Variants in MEGF6 observed in about 807,000 individuals in gnomAD.
MEGF6 encodes the protein multiple EGF like domains 6, also known as multiple epidermal growth factor-like domains protein 6.
In MEGF6, 184 loss-of-function variants were observed where a neutral mutation model predicts 207.1. The observed-to-expected ratio is 0.89, with a 90% confidence interval of 0.79 to 1.00. The LOEUF is 1.00. Among genes scored for constraint, MEGF6 ranks in the 50% least tolerant of loss-of-function variants. The probability of loss-of-function intolerance (pLI) is 0.00; values close to 1 mark genes in which losing one functional copy is unlikely to be tolerated. For missense variants in MEGF6, 2,282 were observed against 2,202.9 expected, an observed-to-expected ratio of 1.04 and a Z score of -0.72; for synonymous variants, 1,038 against 910.0, an observed-to-expected ratio of 1.14 and a Z score of -2.53.
chr1:3,536,981 A>C (rs1033017202), intron 4 of MEGF6, among the ~76,000 whole-genome samples: 2 of 152,214 alleles, frequency 1.3e-5, no homozygotes, highest in Non-Finnish European at 2.9e-5. Flanking sequence ...AGGCGCCTGG[A>C]CACGTGCCTC....
chr1:3,526,517 G>A (rs1271620693), intron 4 of MEGF6, among the ~76,000 whole-genome samples: 2 of 151,508 alleles, frequency 1.3e-5, no homozygotes, highest in East Asian at 3.9e-4. Context: ...CCCTGCCTCA[G>A]CCTCCTTAGT....
Position 3,497,282 on chromosome 1 carries a change from A to G in MEGF6, c.3432T>C (p.Thr1144=), listed in dbSNP as rs1640651527. The change falls in exon 27 of 37, where the codon ACT becomes ACC. Residue 1144 remains threonine, a synonymous_variant. Transcript: ENST00000356575. ...CPPGAACHHV[T]GACRCPPGFT... ...AGCCAGGGGGACAGCGGCAGGCCCC[A>G]GTGACGTGGTGGCAGGCAGCGCCAG... 6.5e-7 allele frequency: 1 copy of G among 1,547,452 alleles called. No homozygotes were observed. Among genetic ancestry groups the G allele is most frequent in the Middle Eastern group, 1.8e-4 (1 of 5,682 alleles).
At chr1:3,613,809 A>G (rs980177910), upstream of MEGF6, among the ~76,000 whole-genome samples, 5 of 151,414 alleles carry the variant, frequency 3.3e-5, no homozygotes, top group Non-Finnish European at 7.4e-5. Context: ...GCCCCGCAGA[A>G]CCCTGCCGCT....
intron 2 of MEGF6, 120 bp downstream of exon 2, chr1:3,602,346 G>A: frequency 1.4e-6 from 2 of 1,418,198 alleles, no homozygotes; most frequent in South Asian, 1.3e-5. Context: ...TTCAGGCAGG[G>A]GTTGCGTGTG....
upstream of MEGF6, among the ~76,000 whole-genome samples, chr1:3,613,511 A>G (rs1463203625): frequency 3.3e-5 from 5 of 152,270 alleles, no homozygotes; most frequent in Non-Finnish European, 7.4e-5. Context: ...GAAGAAGTTC[A>G]CCTGCTTCTC....
intron 4 of MEGF6, among the ~76,000 whole-genome samples, chr1:3,525,064 G>A (rs532534668): frequency 1.1e-4 from 16 of 152,302 alleles, no homozygotes; most frequent in African/African-American, 3.4e-4. Flanking sequence ...CCCCGTTTGC[G>A]GTGTTTGTTC....
intron 3 of MEGF6, among the ~76,000 whole-genome samples, chr1:3,595,115 C>A (rs1253249939): frequency 1.3e-5 from 2 of 152,016 alleles, no homozygotes; most frequent in Non-Finnish European, 2.9e-5. Flanking sequence ...GCAAAGTGGA[C>A]TGACCCCACC....
At chr1:3,492,491 G>T (rs1640413434) in intron 35 of MEGF6, 148 bp downstream of exon 35, 15 of 1,103,356 alleles carry the variant, frequency 1.4e-5, no homozygotes, top group East Asian at 2.5e-5. Flanking sequence ...GTACCGGGTG[G>T]GGACAGATGA....
intron 4 of MEGF6, among the ~76,000 whole-genome samples, chr1:3,544,154 C>T (rs1642624268): frequency 6.6e-6 from 1 of 152,172 alleles, no homozygotes; most frequent in African/African-American, 2.4e-5. Flanking sequence ...CCACCCCAGG[C>T]TGAGAGAGAC....
chr1:3,498,697 C>T lies in MEGF6; in HGVS notation c.3223+1G>A. ...TCCCTCCTCTGCCGCCCAGCGCTCA[C>T]CCTTCTCACAGGCCAGGCCGGCCCA... On this transcript the variant is annotated splice_donor_variant, in intron 25 of 36. Coordinates refer to ENST00000356575, the MANE Select transcript of MEGF6 (RefSeq NM_001409.4). LOFTEE classifies it high-confidence loss of function. 1 of 1,565,024 alleles carries T rather than the reference C, an allele frequency of 6.4e-7. No individual in the cohort carries two copies. Among genetic ancestry groups the T allele is most frequent in the Non-Finnish European group, 8.6e-7 (1 of 1,157,814 alleles).
chr1:3,585,574 C>T (rs1643881788), intron 3 of MEGF6, among the ~76,000 whole-genome samples: 1 of 119,192 alleles, frequency 8.4e-6, no homozygotes, highest in Non-Finnish European at 1.6e-5. Context: ...AATGAGGACA[C>T]ATGTCCTGTG....
chr1:3,515,876 G>A (rs1641525439), intron 5 of MEGF6, among the ~76,000 whole-genome samples: 1 of 152,232 alleles, frequency 6.6e-6, no homozygotes, highest in African/African-American at 2.4e-5. Flanking sequence ...AGGGGTCTCT[G>A]AGAAGCTGCA....
chr1:3,557,541 GC>G (rs1438472829), intron 4 of MEGF6, among the ~76,000 whole-genome samples: 1 of 152,224 alleles, frequency 6.6e-6, no homozygotes, highest in Non-Finnish European at 1.5e-5. Flanking sequence ...CAGCTCAGAA[GC>G]CCTGCCAGCC....
At chr1:3,616,282 T>C (rs1323658379), upstream of MEGF6, among the ~76,000 whole-genome samples, 2 of 152,110 alleles carry the variant, frequency 1.3e-5, no homozygotes, top group African/African-American at 4.8e-5. Flanking sequence ...AAGAAAATAA[T>C]CCAGCATCTT....
chr1:3,532,959 A>C (rs1294580941), intron 4 of MEGF6, among the ~76,000 whole-genome samples: 1 of 152,228 alleles, frequency 6.6e-6, no homozygotes, highest in African/African-American at 2.4e-5. Context: ...TGCTGTCCTC[A>C]GGTCAAATTC....
chr1:3,494,005 A>G lies in MEGF6; in HGVS notation c.4249T>C (p.Cys1417Arg), dbSNP rs1316861241. ...GGCACCAAGCACTCACCCCTCTCACAGAAGTGGCCGTGGAAGCCGGCAGGG... is the reference window on the plus strand; with the variant it reads ...GGCACCAAGCACTCACCCCTCTCACGGAAGTGGCCGTGGAAGCCGGCAGGG... ...LCPAGFHGHF[C>R]ERGCEPGSFG... The change falls in exon 33 of 37, where the codon TGT becomes CGT. Residue 1417 changes from cysteine (C) to arginine (R), a missense_variant. Coordinates refer to ENST00000356575, the MANE Select transcript of MEGF6 (RefSeq NM_001409.4). 1 of 1,602,258 alleles carries G rather than the reference A, an allele frequency of 6.2e-7. No individual in the cohort carries two copies. Among genetic ancestry groups the G allele is most frequent in the Admixed American group, 1.7e-5 (1 of 57,804 alleles).
chr1:3,498,267 T>C, intron 26 of MEGF6, 104 bp downstream of exon 26: 1 of 1,391,196 alleles, frequency 7.2e-7, no homozygotes, highest in Non-Finnish European at 9.5e-7. Flanking sequence ...ACAGGTCCCC[T>C]GGTGAGGCCC....
intron 26 of MEGF6, chr1:3,497,633 A>G: frequency 1.6e-6 from 1 of 640,132 alleles, no homozygotes; most frequent in Non-Finnish European, 2.9e-6. Context: ...TGCAGGGACG[A>G]GACAGATAGG....
At chr1:3,490,706 A>T in intron 36 of MEGF6, 117 bp from the exon 37 acceptor site, 1 of 1,106,902 alleles carries the variant, frequency 9.0e-7, no homozygotes, top group Non-Finnish European at 1.3e-6. Context: ...TCAGCCCAGC[A>T]GGTGGGTGGG....
Sources: allele counts gnomAD v4.1 joint callset (sites outside exome capture counted in the v4.1 genomes callset), GRCh38; gene constraint gnomAD v4.1.1; transcripts MANE v1.5; gene names NCBI Gene and HGNC (gene_info 2026-07-23, HGNC 2026-07-21).